SRD5A1: variants seen among roughly 807,000 people sequenced by gnomAD.
The protein encoded by SRD5A1 is 3-oxo-5-alpha-steroid 4-dehydrogenase 1.
Under a neutral mutation model 28.2 loss-of-function variants are expected in SRD5A1, and 22 were observed. The ratio of observed to expected loss-of-function variants is 0.78; its 90% confidence interval spans 0.56 to 1.12. The LOEUF is 1.12. Ranked by LOEUF, SRD5A1 falls within the 50% of genes most tolerant of loss-of-function variation. The pLI is 0.00. For synonymous variants in SRD5A1, 151 were observed against 135.0 expected, an observed-to-expected ratio of 1.12 and a Z score of -0.82; for missense variants, 300 against 346.7, an observed-to-expected ratio of 0.87 and a Z score of 1.07.
chr5:6,647,915 CTT>C (rs1351564662), intron 1 of SRD5A1, among the ~76,000 whole-genome samples: 3 of 152,168 alleles, frequency 2.0e-5, no homozygotes, highest in Non-Finnish European at 4.4e-5. Context: ...CCGGTTGTTC[CTT>C]TCCATGTTTA....
intron 1 of SRD5A1, among the ~76,000 whole-genome samples, chr5:6,642,458 A>G (rs903540605): frequency 2.0e-5 from 3 of 152,238 alleles, no homozygotes; most frequent in African/African-American, 7.2e-5. Context: ...ATTTTGAAAT[A>G]TGGAAATCCA....
chr5:6,654,093 C>T (rs999026186), intron 2 of SRD5A1, among the ~76,000 whole-genome samples: 8 of 152,032 alleles, frequency 5.3e-5, no homozygotes, highest in Non-Finnish European at 4.4e-5. Context: ...TTCTCTATCG[C>T]CCAGGCTGGA....
intron 4 of SRD5A1, among the ~76,000 whole-genome samples, chr5:6,667,065 T>TG (rs1739205986): frequency 6.6e-6 from 1 of 152,232 alleles, no homozygotes; most frequent in Non-Finnish European, 1.5e-5. Flanking sequence ...AGCAGGCCTG[T>TG]GAACACCTTC....
rs115208548 is a variant in SRD5A1, at chr5:6,657,806, A to G, written c.562+1627A>G. On this transcript the variant is annotated intron_variant, in intron 3 of 4. Transcript: ENST00000274192. The stretch of plus-strand genomic sequence containing the variant: ...TGTCCACTGTTCCACAGTAGTTGAG[A>G]TGCCACAAAAACTTTTCAGCCCCTG... Among the ~76,000 whole-genome samples, 1,296 of 152,224 alleles carry G rather than the reference A, an allele frequency of 8.5e-3. 21 individuals carry two copies. The highest frequency in any genetic ancestry group is 0.029 in the African/African-American group (1,196 of 41,510).
At chr5:6,634,399 C>A in intron 1 of SRD5A1, among the ~76,000 whole-genome samples, 1 of 145,448 alleles carries the variant, frequency 6.9e-6, no homozygotes, top group Non-Finnish European at 1.5e-5. Flanking sequence ...GATTTTGTTC[C>A]CTTAGATCAC....
At chr5:6,663,168 C>G (rs772117348) in intron 4 of SRD5A1, among the ~76,000 whole-genome samples, 2 of 152,206 alleles carry the variant, frequency 1.3e-5, no homozygotes, top group Non-Finnish European at 2.9e-5. Context: ...CACAGTTGTT[C>G]TCTATACCAC....
chr5:6,667,828 A>T (rs1487285953), intron 4 of SRD5A1, among the ~76,000 whole-genome samples: 3 of 152,296 alleles, frequency 2.0e-5, no homozygotes, highest in East Asian at 3.9e-4. Flanking sequence ...AAACTGCTGG[A>T]GTCACCAGCA....
chr5:6,662,554 T>A lies in SRD5A1; in HGVS notation c.563-262T>A, dbSNP rs11134174. Among the ~76,000 whole-genome samples, 499 of 152,366 alleles carry A rather than the reference T, an allele frequency of 3.3e-3. 4 individuals carry two copies. The highest frequency in any genetic ancestry group is 0.011 in the African/African-American group (441 of 41,582). ...TGATCCATCAGCAGGTGCACTGGTT[T>A]ATTGGTGTCTTCCACTGTAACTGTA... On this transcript the variant is annotated intron_variant, in intron 3 of 4. Transcript: ENST00000274192.
rs7711978 is a variant in SRD5A1, at chr5:6,659,565, G to A, written c.563-3251G>A. Reference sequence around the variant, plus strand: ...TAAAAACTAATTCAAGAAAGCTTTTGTGAAGTAAAACAAGACACAAGAGCG... The same window carrying A: ...TAAAAACTAATTCAAGAAAGCTTTTATGAAGTAAAACAAGACACAAGAGCG... On this transcript the variant is annotated intron_variant, in intron 3 of 4. Coordinates refer to ENST00000274192, the MANE Select transcript of SRD5A1 (RefSeq NM_001047.4). Among the ~76,000 whole-genome samples, 611 of 152,320 alleles carry A rather than the reference G, an allele frequency of 4.0e-3. 4 individuals carry two copies. The highest frequency in any genetic ancestry group is 0.014 in the African/African-American group (583 of 41,570).
At chr5:6,667,510 T>C (rs535243939) in intron 4 of SRD5A1, among the ~76,000 whole-genome samples, 18 of 152,360 alleles carry the variant, frequency 1.2e-4, no homozygotes, top group Admixed American at 4.6e-4. Flanking sequence ...TGTGTGTTTA[T>C]AGAAACTCCC....
At chr5:6,659,999 A>C (rs1738956712) in intron 3 of SRD5A1, among the ~76,000 whole-genome samples, 1 of 152,204 alleles carries the variant, frequency 6.6e-6, no homozygotes, top group Non-Finnish European at 1.5e-5. Flanking sequence ...GTCTTTCAGA[A>C]ACGCTTCGCA....
At position 6,657,636 on chromosome 5, in the gene SRD5A1, G is replaced by C. The variant is rs192166068; in HGVS notation, c.562+1457G>C. On this transcript the variant is annotated intron_variant, in intron 3 of 4. Transcript: ENST00000274192. ...GAAGGCAGAATGAAAAGGTGCAGAA[G>C]ATACCAGAAGCCACAGACTGGCAGA... is the stretch of plus-strand genomic sequence containing the variant. 7.2e-5 allele frequency among the ~76,000 whole-genome samples: 11 copies of C among 152,354 alleles called. No individual in the cohort carries two copies. The East Asian group carries it at 1.7e-3, about 24-fold the overall frequency.
intron 1 of SRD5A1, among the ~76,000 whole-genome samples, chr5:6,647,552 T>A (rs1738542525): frequency 6.6e-6 from 1 of 152,150 alleles, no homozygotes; most frequent in South Asian, 2.1e-4. Flanking sequence ...TTTTGACCTT[T>A]TTGGTTTAAA....
intron 1 of SRD5A1, among the ~76,000 whole-genome samples, chr5:6,638,014 G>A (rs1008294678): frequency 4.6e-5 from 7 of 152,186 alleles, no homozygotes; most frequent in African/African-American, 1.7e-4. Context: ...GGTGAAGTGT[G>A]TTAAAAGATA....
intron 4 of SRD5A1, among the ~76,000 whole-genome samples, chr5:6,667,174 G>A (rs1366171621): frequency 6.6e-6 from 1 of 152,212 alleles, no homozygotes; most frequent in African/African-American, 2.4e-5. Context: ...GTGGGTCCAT[G>A]CGCCACCACT....
At chr5:6,644,241 G>A (rs1738443945) in intron 1 of SRD5A1, among the ~76,000 whole-genome samples, 1 of 152,070 alleles carries the variant, frequency 6.6e-6, no homozygotes, top group Non-Finnish European at 1.5e-5. Context: ...TTGCCTTCCT[G>A]TTATCCAGTA....
Position 6,633,854 on chromosome 5 carries a change from T to G in SRD5A1, c.278T>G (p.Val93Gly). Residue 93 changes from valine (V) to glycine (G), a missense_variant, in exon 1 of 5, where the codon GTC becomes GGC. By Grantham distance (109) the Val-to-Gly change is moderately radical. This residue lies in a region of SRD5A1 where 174 missense variants were observed against 160.9 expected (regional missense o/e 1.08). Transcript: ENST00000274192. Reference sequence around the variant, plus strand: ...TGCATCCTCCTGGCCATGTTCCTCGTCCACTACGGGCATCGGTAACGTCCC... The same window carrying G: ...TGCATCCTCCTGGCCATGTTCCTCGGCCACTACGGGCATCGGTAACGTCCC... ...PNCILLAMFL[V>G]HYGHRCLIYP... is the part of the protein sequence containing the mutation. 1.3e-6 allele frequency: 2 copies of G among 1,597,196 alleles called. No individual in the cohort carries two copies. The highest frequency in any genetic ancestry group is 1.7e-6 in the Non-Finnish European group (2 of 1,179,432).
intron 1 of SRD5A1, among the ~76,000 whole-genome samples, chr5:6,634,908 G>C (rs909441119): frequency 2.2e-4 from 34 of 152,196 alleles, no homozygotes; most frequent in Non-Finnish European, 3.8e-4. Flanking sequence ...GCTCTGGAAA[G>C]CTTCACAGTT....
At chr5:6,643,084 A>T (rs1738411851) in intron 1 of SRD5A1, among the ~76,000 whole-genome samples, 1 of 151,320 alleles carries the variant, frequency 6.6e-6, no homozygotes, top group Non-Finnish European at 1.5e-5. Context: ...GCAACAGCTT[A>T]GCAGATTCCA....
Sources: allele counts gnomAD v4.1 joint callset (sites outside exome capture counted in the v4.1 genomes callset), GRCh38; gene constraint gnomAD v4.1.1; regional missense constraint gnomAD v4.1.1; transcripts MANE v1.5; gene names NCBI Gene and HGNC (gene_info 2026-07-23, HGNC 2026-07-21).